Variants in GABRA5 observed in about 807,000 individuals in gnomAD.
GABRA5 encodes gamma-aminobutyric acid type A receptor subunit alpha5, also known as gamma-aminobutyric acid receptor subunit alpha-5.
A neutral mutation model predicts 47.3 loss-of-function variants in GABRA5; 18 were observed. The observed-to-expected ratio is 0.38, with a 90% CI of 0.26 to 0.56. GABRA5 has a LOEUF of 0.56. Among genes scored for constraint, GABRA5 ranks in the 20% least tolerant of loss-of-function variants. The pLI, the probability that GABRA5 is intolerant of heterozygous loss-of-function variation, is 0.71. For synonymous variants in GABRA5, 237 were observed against 229.3 expected (o/e 1.03, Z -0.30); for missense variants, 365 against 599.3 (o/e 0.61, Z 4.08).
intron 6 of GABRA5, among the ~76,000 whole-genome samples, chr15:26,893,685 G>A (rs1486710428): frequency 6.6e-6 from 1 of 152,024 alleles, no homozygotes; most frequent in Non-Finnish European, 1.5e-5. Context: ...AGTGGCGCAG[G>A]GGAAACAGGA....
intron 8 of GABRA5, among the ~76,000 whole-genome samples, chr15:26,937,937 C>T (rs541051088): frequency 6.6e-6 from 1 of 152,342 alleles, no homozygotes; most frequent in East Asian, 1.9e-4. Context: ...AAGGCCCAGC[C>T]ATAGAGGTCA....
intron 3 of GABRA5, among the ~76,000 whole-genome samples, chr15:26,870,597 C>T (rs931891808): frequency 8.5e-5 from 13 of 152,322 alleles, no homozygotes; most frequent in Admixed American, 3.9e-4. Flanking sequence ...AGAGCATTGG[C>T]CGTGGCTCTT....
At chr15:26,908,824 C>A (rs1893509939) in intron 6 of GABRA5, among the ~76,000 whole-genome samples, 1 of 152,174 alleles carries the variant, frequency 6.6e-6, no homozygotes, top group Admixed American at 6.5e-5. Context: ...ATGTCTATTT[C>A]ATTATCAAAG....
rs189065263 is a variant in GABRA5, at chr15:26,883,709, C to G, written c.497+152C>G. Among the ~76,000 whole-genome samples, 373 of 152,328 alleles carry G rather than the reference C, an allele frequency of 2.4e-3. 1 individual carries two copies. The highest frequency in any genetic ancestry group is 3.5e-3 in the Non-Finnish European group (237 of 68,026). ...GCTGGGGGTTCCCCGTTGCCATCTGCCCACACCAGCGCTCTTGGACGTTCT... is the reference window on the plus strand; with the variant it reads ...GCTGGGGGTTCCCCGTTGCCATCTGGCCACACCAGCGCTCTTGGACGTTCT... On this transcript the variant is annotated intron_variant, in intron 6 of 10. Coordinates refer to ENST00000335625, the MANE Select transcript of GABRA5 (RefSeq NM_000810.4). The surrounding 1 kb of genome is among the most constrained non-coding windows in gnomAD (Gnocchi z 4.8).
At chr15:26,903,807 GT>G (rs568807994) in intron 6 of GABRA5, among the ~76,000 whole-genome samples, 2 of 149,588 alleles carry the variant, frequency 1.3e-5, no homozygotes, top group African/African-American at 4.9e-5. Context: ...AGGATGTTTT[GT>G]TTTTTTTTCT....
chr15:26,945,256 C>T (rs979102271), intron 10 of GABRA5, among the ~76,000 whole-genome samples: 12 of 152,320 alleles, frequency 7.9e-5, no homozygotes, highest in Non-Finnish European at 1.0e-4. Flanking sequence ...TCACACCCCG[C>T]GGTCAGACAC....
chr15:26,910,620 T>G (rs1039816806), intron 6 of GABRA5, among the ~76,000 whole-genome samples: 2 of 151,850 alleles, frequency 1.3e-5, no homozygotes, highest in Middle Eastern at 3.4e-3. Context: ...AAAATCCCAT[T>G]TCCTTATCCT....
chr15:26,905,514 C>T (rs1026899639), intron 6 of GABRA5, among the ~76,000 whole-genome samples: 2 of 151,924 alleles, frequency 1.3e-5, no homozygotes, highest in Admixed American at 6.6e-5. Flanking sequence ...AGTTTCTTTT[C>T]CTTCATAAAA....
At chr15:26,868,435 AT>A (rs1892380945) in intron 1 of GABRA5, among the ~76,000 whole-genome samples, 1 of 152,144 alleles carries the variant, frequency 6.6e-6, no homozygotes, top group African/African-American at 2.4e-5. Context: ...TACTGTTCGG[AT>A]GCCTGTGAGC....
chr15:26,890,898 G>C (rs751028220), intron 6 of GABRA5, among the ~76,000 whole-genome samples: 1 of 152,104 alleles, frequency 6.6e-6, no homozygotes, highest in Non-Finnish European at 1.5e-5. Context: ...CCAGACCCTA[G>C]TATGAGGGAC....
chr15:26,912,708 G>A (rs749201484), intron 6 of GABRA5, among the ~76,000 whole-genome samples: 5 of 152,170 alleles, frequency 3.3e-5, no homozygotes, highest in Non-Finnish European at 5.9e-5. Context: ...GGTGATGGGG[G>A]AAGTACTTCT....
intron 3 of GABRA5, chr15:26,877,624 A>G (rs1892630307): frequency 2.2e-6 from 1 of 454,622 alleles, no homozygotes; most frequent in South Asian, 1.6e-5. Context: ...CTTCACTAGC[A>G]CCCGTGGTGG....
At chr15:26,946,064 G>C (rs892728252) in intron 10 of GABRA5, among the ~76,000 whole-genome samples, 6 of 152,164 alleles carry the variant, frequency 3.9e-5, no homozygotes, top group African/African-American at 1.4e-4. Context: ...GCTCCCGCAC[G>C]GTTTCCCCAG....
At chr15:26,893,138 AAGTGTATGGTGTGTGGCGTGTGTGGGG>A (rs1040433711) in intron 6 of GABRA5, among the ~76,000 whole-genome samples, 6 of 109,554 alleles carry the variant, frequency 5.5e-5, no homozygotes, top group African/African-American at 1.8e-4. Flanking sequence ...GCGTGTTTCT[AAGTGTATGGTGTGTGGCGTGTGTGGGG>A]TGTGTATGTG....
chr15:26,891,889 G>T (rs1360133088), intron 6 of GABRA5, among the ~76,000 whole-genome samples: 4 of 152,212 alleles, frequency 2.6e-5, no homozygotes, highest in African/African-American at 9.6e-5. Flanking sequence ...CAGCTCGGAC[G>T]GTGGTCCCTT....
At chr15:26,920,898 G>A (rs1379695311) in intron 7 of GABRA5, among the ~76,000 whole-genome samples, 2 of 152,162 alleles carry the variant, frequency 1.3e-5, no homozygotes, top group Non-Finnish European at 2.9e-5. Context: ...AGCCCTCAGA[G>A]AAGCTGTCTT....
chr15:26,889,428 G>T (rs969219460), intron 6 of GABRA5, among the ~76,000 whole-genome samples: 1 of 151,594 alleles, frequency 6.6e-6, no homozygotes, highest in Non-Finnish European at 1.5e-5. Context: ...ATGCAGTATA[G>T]CTAGCTGCAG....
At chr15:26,910,500 T>A (rs1002026716) in intron 6 of GABRA5, among the ~76,000 whole-genome samples, 1 of 151,410 alleles carries the variant, frequency 6.6e-6, no homozygotes, top group Non-Finnish European at 1.5e-5. Context: ...CTCTGGAGGC[T>A]GGGGCAGGAA....
At chr15:26,892,899 G>A (rs1893044372) in intron 6 of GABRA5, among the ~76,000 whole-genome samples, 1 of 151,994 alleles carries the variant, frequency 6.6e-6, no homozygotes, top group Non-Finnish European at 1.5e-5. Flanking sequence ...TGGTGTGTGT[G>A]TGTATGAGGT....
Sources: gnomAD v4.1 joint callset for allele counts (sites outside exome capture counted in the v4.1 genomes callset) on GRCh38, gnomAD v4.1.1 for gene constraint, Gnocchi (gnomAD v3.1) non-coding constraint, MANE v1.5 for transcripts, NCBI Gene and HGNC (gene_info 2026-07-23, HGNC 2026-07-21) for gene names.